Variants in PTPRD observed in about 807,000 individuals in gnomAD.
PTPRD encodes the protein receptor-type tyrosine-protein phosphatase delta.
Under a neutral mutation model 214.5 loss-of-function variants are expected in PTPRD, and 34 were observed. The ratio of observed to expected loss-of-function variants is 0.16; its 90% CI spans 0.12 to 0.21. PTPRD has a LOEUF of 0.21. Among genes scored for constraint, PTPRD ranks in the 10% least tolerant of loss-of-function variants. The pLI is 1.00. For synonymous variants in PTPRD, 1,128 were observed against 845.7 expected (o/e 1.33, Z -5.79); for missense variants, 2,545 against 2,398.7 (o/e 1.06, Z -1.27).
intron 9 of PTPRD, among the ~76,000 whole-genome samples, chr9:9,367,536 AGGATCTGTACTG>A (rs2058210115): frequency 6.6e-6 from 1 of 151,624 alleles, no homozygotes; most frequent in Non-Finnish European, 1.5e-5. Flanking sequence ...TTCCAGGTAC[AGGATCTGTACTG>A]TTCAACTGAA....
intron 2 of PTPRD, among the ~76,000 whole-genome samples, chr9:10,498,070 T>C (rs908172626): frequency 1.3e-5 from 2 of 151,990 alleles, no homozygotes; most frequent in Admixed American, 1.3e-4. Context: ...TTATAATCTA[T>C]TTGAACCAAA....
chr9:8,651,833 G>A (rs1478464114), intron 12 of PTPRD, among the ~76,000 whole-genome samples: 7 of 152,148 alleles, frequency 4.6e-5, no homozygotes, highest in Non-Finnish European at 8.8e-5. Context: ...CTCCTGGTAA[G>A]AGAACTTGGA....
At chr9:8,531,977 C>G (rs1251686651) in intron 14 of PTPRD, among the ~76,000 whole-genome samples, 3 of 152,030 alleles carry the variant, frequency 2.0e-5, no homozygotes, top group African/African-American at 7.2e-5. Context: ...AAAGAACACT[C>G]CAGAGCCCCC....
intron 5 of PTPRD, among the ~76,000 whole-genome samples, chr9:9,822,735 C>T (rs866030869): frequency 6.6e-6 from 1 of 151,828 alleles, no homozygotes; most frequent in Non-Finnish European, 1.5e-5. Context: ...ATCCAAAATT[C>T]TGAAAGCTAA....
intron 11 of PTPRD, among the ~76,000 whole-genome samples, chr9:8,785,557 A>G (rs371825647): frequency 1.1e-4 from 16 of 152,208 alleles, no homozygotes; most frequent in African/African-American, 3.9e-4. Context: ...CTCTGCCTCC[A>G]TATTAAAGAC....
chr9:9,951,934 A>G (rs1036691145), intron 4 of PTPRD, among the ~76,000 whole-genome samples: 3 of 152,254 alleles, frequency 2.0e-5, no homozygotes, highest in Admixed American at 6.5e-5. Context: ...GTACTTGGGT[A>G]AGAACACCTG....
intron 5 of PTPRD, among the ~76,000 whole-genome samples, chr9:9,863,586 G>T (rs1487298746): frequency 6.6e-6 from 1 of 152,114 alleles, no homozygotes; most frequent in African/African-American, 2.4e-5. Context: ...CAAAGTAATG[G>T]CTTCAGAGGA....
At chr9:10,433,463 G>C (rs149029036) in intron 2 of PTPRD, among the ~76,000 whole-genome samples, 1 of 152,028 alleles carries the variant, frequency 6.6e-6, no homozygotes, top group Non-Finnish European at 1.5e-5. Flanking sequence ...CTCAATTTCT[G>C]ATAGGGATAT....
At chr9:8,342,288 T>C (rs1392414322) in intron 39 of PTPRD, among the ~76,000 whole-genome samples, 12 of 152,046 alleles carry the variant, frequency 7.9e-5, no homozygotes, top group Admixed American at 7.2e-4. Flanking sequence ...TTGAAGTCAT[T>C]ATGAAAAAAA....
chr9:8,920,020 T>C (rs1588044699), intron 11 of PTPRD, among the ~76,000 whole-genome samples: 1 of 151,182 alleles, frequency 6.6e-6, no homozygotes, highest in East Asian at 2.0e-4. Context: ...GTTAACAAGA[T>C]GACATATATA....
chr9:10,025,913 T>A (rs1396176449), intron 4 of PTPRD, among the ~76,000 whole-genome samples: 1 of 152,076 alleles, frequency 6.6e-6, no homozygotes, highest in East Asian at 1.9e-4. Context: ...TAAGAAAAGA[T>A]CCTAACCAAA....
intron 10 of PTPRD, among the ~76,000 whole-genome samples, chr9:9,079,046 T>G (rs1478528753): frequency 6.6e-6 from 1 of 152,066 alleles, no homozygotes; most frequent in Non-Finnish European, 1.5e-5. Context: ...TATTTATCAT[T>G]TATTTGTGTT....
At chr9:8,502,863 TAC>T (rs930679314) in intron 23 of PTPRD, among the ~76,000 whole-genome samples, 20 of 150,448 alleles carry the variant, frequency 1.3e-4, no homozygotes, top group Admixed American at 6.6e-4. Context: ...TATATATATA[TAC>T]ACACACACAC....
At chr9:10,291,753 A>C (rs1025190114) in intron 3 of PTPRD, among the ~76,000 whole-genome samples, 2 of 152,140 alleles carry the variant, frequency 1.3e-5, no homozygotes, top group Non-Finnish European at 2.9e-5. Context: ...CCAGGACTGT[A>C]CAAAAATAAT....
intron 5 of PTPRD, among the ~76,000 whole-genome samples, chr9:9,818,472 G>C (rs746980734): frequency 5.3e-5 from 8 of 152,080 alleles, no homozygotes; most frequent in Admixed American, 1.3e-4. Flanking sequence ...TTTAGTTTAT[G>C]AGTAATGTTG....
intron 11 of PTPRD, among the ~76,000 whole-genome samples, chr9:8,864,050 C>G (rs1311615949): frequency 1.3e-5 from 2 of 152,118 alleles, no homozygotes; most frequent in Non-Finnish European, 2.9e-5. Context: ...ACTGATGAAA[C>G]AGGCTCCATC....
At chr9:10,179,726 T>A (rs2099270808) in intron 3 of PTPRD, among the ~76,000 whole-genome samples, 1 of 152,108 alleles carries the variant, frequency 6.6e-6, no homozygotes, top group South Asian at 2.1e-4. Context: ...TATTATTTAA[T>A]TTAAAATGAA....
chr9:9,358,436 A>G (rs1385768108), intron 9 of PTPRD, among the ~76,000 whole-genome samples: 1 of 151,330 alleles, frequency 6.6e-6, no homozygotes, highest in Non-Finnish European at 1.5e-5. Context: ...ATACTTTAAT[A>G]AATATTCCTG....
rs577056906 is a variant in PTPRD, at chr9:10,417,916, G to T, written c.-599-76899C>A. 2.1e-4 allele frequency among the ~76,000 whole-genome samples: 31 copies of T among 146,684 alleles called. No individual in the cohort carries two copies. The South Asian group carries it at 3.9e-3, about 18-fold the overall frequency. On this transcript the variant is annotated intron_variant, in intron 2 of 45. Transcript: ENST00000381196. ...GGACTTCATTAAATGAATCTAGATGGTTTTTTTTTTAAGTTTTAAAACATT... is the reference window on the plus strand; with the variant it reads ...GGACTTCATTAAATGAATCTAGATGTTTTTTTTTTTAAGTTTTAAAACATT...
Sources: allele counts gnomAD v4.1 joint callset (sites outside exome capture counted in the v4.1 genomes callset), GRCh38; gene constraint gnomAD v4.1.1; transcripts MANE v1.5; gene names NCBI Gene and HGNC (gene_info 2026-07-23, HGNC 2026-07-21).